Variants in PLXNA2 observed in about 807,000 individuals in gnomAD.
PLXNA2 encodes plexin-A2.
A neutral mutation model predicts 193.5 loss-of-function variants in PLXNA2; 91 were observed. That is an observed-to-expected ratio of 0.47 (90% confidence interval 0.40 to 0.56). The LOEUF (loss-of-function observed/expected upper bound fraction) is 0.56. Ranked by LOEUF, PLXNA2 falls within the 20% of genes least tolerant of loss-of-function variation. The pLI is 0.00. For synonymous variants in PLXNA2, 997 were observed against 1,027.3 expected, an observed-to-expected ratio of 0.97 and a Z score of 0.56; for missense variants, 1,995 against 2,503.2, an observed-to-expected ratio of 0.80 and a Z score of 4.33.
intron 4 of PLXNA2, among the ~76,000 whole-genome samples, chr1:208,114,834 G>A (rs142837431): frequency 3.3e-5 from 5 of 152,302 alleles, no homozygotes; most frequent in African/African-American, 1.2e-4. Context: ...GTGTGTGTAT[G>A]TGTGTGAAAG....
intron 4 of PLXNA2, among the ~76,000 whole-genome samples, chr1:208,120,168 A>G (rs4844645): frequency 0.87 from 133,043 of 152,244 alleles, 58,633 homozygotes; most frequent in East Asian, 1. Flanking sequence ...GATGTCACAA[A>G]GGTGGCCAAA....
At chr1:208,172,861 G>A (rs1669537897) in intron 3 of PLXNA2, among the ~76,000 whole-genome samples, 1 of 152,188 alleles carries the variant, frequency 6.6e-6, no homozygotes, top group Non-Finnish European at 1.5e-5. Context: ...GCTGGCTGCA[G>A]AAGATGGGTC....
intron 1 of PLXNA2, among the ~76,000 whole-genome samples, chr1:208,221,076 A>G (rs1026977955): frequency 6.6e-6 from 1 of 152,222 alleles, no homozygotes; most frequent in Non-Finnish European, 1.5e-5. Flanking sequence ...TCTAGAAGGC[A>G]TGAGGTCACA....
intron 4 of PLXNA2, among the ~76,000 whole-genome samples, chr1:208,134,432 G>A (rs978260829): frequency 1.3e-5 from 2 of 152,190 alleles, no homozygotes; most frequent in Admixed American, 1.3e-4. Context: ...AGGCACTGAT[G>A]TGAGTGCTCA....
In PLXNA2 at chr1:208,071,587, T is replaced by C. The variant is rs139570517; in HGVS notation, c.2586+7673A>G. Among the ~76,000 whole-genome samples the C allele has an allele frequency of 1.8e-3, 278 of 152,344 alleles. 1 individual carries two copies. Among genetic ancestry groups the C allele is most frequent in the Non-Finnish European group, 3.0e-3 (202 of 68,026 alleles). ...AGGCTAGAGCCCAGCTGACGAGCTCTGTAGGAATCTATGGCATTGGCGGTG... is the reference window on the plus strand; with the variant it reads ...AGGCTAGAGCCCAGCTGACGAGCTCCGTAGGAATCTATGGCATTGGCGGTG... On this transcript the variant is annotated intron_variant, in intron 12 of 31. Coordinates refer to ENST00000367033, the MANE Select transcript of PLXNA2 (RefSeq NM_025179.4).
At chr1:208,132,663 G>GC (rs1369951218) in intron 4 of PLXNA2, among the ~76,000 whole-genome samples, 1 of 152,172 alleles carries the variant, frequency 6.6e-6, no homozygotes, top group Non-Finnish European at 1.5e-5. Context: ...GGGTGGTTAA[G>GC]CTTTTTTTAG....
intron 4 of PLXNA2, among the ~76,000 whole-genome samples, chr1:208,111,614 C>T (rs1048047695): frequency 2.0e-5 from 3 of 152,190 alleles, no homozygotes; most frequent in African/African-American, 7.2e-5. Flanking sequence ...ATCTGTCCCA[C>T]CTATCTCTGG....
intron 12 of PLXNA2, among the ~76,000 whole-genome samples, chr1:208,077,258 A>G (rs749815082): frequency 6.6e-6 from 1 of 152,082 alleles, no homozygotes; most frequent in African/African-American, 2.4e-5. Context: ...CCAGCAGGAG[A>G]TTGGGGCCTC....
intron 1 of PLXNA2, among the ~76,000 whole-genome samples, chr1:208,229,186 C>T (rs1203399132): frequency 6.6e-6 from 1 of 152,074 alleles, no homozygotes; most frequent in African/African-American, 2.4e-5. Flanking sequence ...CTAAAAACTG[C>T]TAGTTTTTAA....
intron 3 of PLXNA2, among the ~76,000 whole-genome samples, chr1:208,184,793 T>C (rs1354456496): frequency 4.6e-5 from 7 of 152,152 alleles, no homozygotes; most frequent in Non-Finnish European, 1.0e-4. Flanking sequence ...GGGAGATTTC[T>C]GGAAAGAATC....
In PLXNA2 at chr1:208,044,749, A is replaced by G. The variant is rs756601392; in HGVS notation, c.3640-7T>C. 1 of 1,605,080 alleles carries G rather than the reference A, an allele frequency of 6.2e-7. No individual in the cohort carries two copies. Among genetic ancestry groups the G allele is most frequent in the Non-Finnish European group, 8.5e-7 (1 of 1,172,848 alleles). ...CCATCCCGCCCACGTGAACCTGTGCATTGTACACATACAGACGCACATGGA... is the reference window on the plus strand; with the variant it reads ...CCATCCCGCCCACGTGAACCTGTGCGTTGTACACATACAGACGCACATGGA... On this transcript the variant is annotated splice_region_variant and splice_polypyrimidine_tract_variant and intron_variant, in intron 19 of 31. Coordinates refer to ENST00000367033, the MANE Select transcript of PLXNA2 (RefSeq NM_025179.4). The surrounding 1 kb of genome is among the most constrained non-coding windows in gnomAD (Gnocchi z 4.9).
Position 208,028,168 on chromosome 1 carries a change from G to C in PLXNA2, c.5439-9C>G. The C allele has an allele frequency of 6.2e-7, 1 of 1,605,084 alleles. No individual in the cohort carries two copies. Among genetic ancestry groups the C allele is most frequent in the South Asian group, 1.1e-5 (1 of 89,478 alleles). On this transcript the variant is annotated splice_polypyrimidine_tract_variant and intron_variant, in intron 30 of 31. Transcript: ENST00000367033. The surrounding 1 kb of genome is among the most constrained non-coding windows in gnomAD (Gnocchi z 4.2). Reference sequence around the variant, plus strand: ...CGATGTCTGCGTAGTATCTGCCAGAGACAGGATAGGCGCCTTGGTGGAGGC... The same window carrying C: ...CGATGTCTGCGTAGTATCTGCCAGACACAGGATAGGCGCCTTGGTGGAGGC...
chr1:208,230,378 A>G (rs1478771242), intron 1 of PLXNA2: 1 of 152,206 alleles, frequency 6.6e-6, no homozygotes, highest in Non-Finnish European at 1.5e-5. Context: ...CACCATTTCT[A>G]TCAGTGGTCC....
intron 4 of PLXNA2, among the ~76,000 whole-genome samples, chr1:208,114,882 G>C (rs1465328781): frequency 6.6e-6 from 1 of 152,238 alleles, no homozygotes; most frequent in Non-Finnish European, 1.5e-5. Context: ...GATAGAGGGA[G>C]CGGGAGGGAG....
At chr1:208,187,162 C>A (rs1237009625) in intron 3 of PLXNA2, among the ~76,000 whole-genome samples, 2 of 152,138 alleles carry the variant, frequency 1.3e-5, no homozygotes, top group Admixed American at 6.5e-5. Flanking sequence ...TATCTTAGCT[C>A]CTCACTCAGC....
intron 29 of PLXNA2, chr1:208,029,726 G>A (rs765113732): frequency 6.3e-5 from 62 of 985,820 alleles, no homozygotes; most frequent in Non-Finnish European, 7.1e-5. Context: ...CCGATCAGTA[G>A]TTAGGAGACT....
intron 3 of PLXNA2, among the ~76,000 whole-genome samples, chr1:208,158,926 C>G (rs1225438992): frequency 6.6e-6 from 1 of 152,196 alleles, no homozygotes; most frequent in Non-Finnish European, 1.5e-5. Context: ...GGCTCTATCT[C>G]CAGCACATGG....
rs376866200 is a variant in PLXNA2, at chr1:208,038,523, G to A, written c.4661-49C>T. On this transcript the variant is annotated intron_variant, in intron 25 of 31. Transcript: ENST00000367033. This position sits in a 1 kb window ranked among gnomAD's most constrained non-coding sequence, Gnocchi z 4.1. ...GAGCGGCGTGAGAGGGATGAGGGCTGTGAGCCAGTGTCTCCCGATTGCACC... is the reference window on the plus strand; with the variant it reads ...GAGCGGCGTGAGAGGGATGAGGGCTATGAGCCAGTGTCTCCCGATTGCACC... 3.5e-6 allele frequency: 5 copies of A among 1,417,376 alleles called. No homozygotes were observed. The highest frequency in any genetic ancestry group is 5.0e-6 in the Non-Finnish European group (5 of 1,001,032). 87.8% of individuals were successfully genotyped at this position (1,417,376 alleles called of 1,614,324 possible). A position where few individuals can be genotyped will look rare whatever the true frequency, so the allele number is the denominator to read the frequency against.
intron 12 of PLXNA2, among the ~76,000 whole-genome samples, chr1:208,063,125 T>G (rs1414737321): frequency 1.3e-5 from 2 of 152,214 alleles, no homozygotes; most frequent in Non-Finnish European, 2.9e-5. Context: ...CTCCTTCCCC[T>G]ACTTTTATTT....
Sources: gnomAD v4.1 joint callset for allele counts (sites outside exome capture counted in the v4.1 genomes callset) on GRCh38, gnomAD v4.1.1 for gene constraint, Gnocchi (gnomAD v3.1) non-coding constraint, MANE v1.5 for transcripts, NCBI Gene and HGNC (gene_info 2026-07-23, HGNC 2026-07-21) for gene names.